SHANK2: variants seen among roughly 807,000 people sequenced by gnomAD.
SHANK2 encodes the protein SH3 and multiple ankyrin repeat domains 2.
SHANK2 carries 43 observed loss-of-function variants against 133.7 expected under a neutral mutation model. That is an observed-to-expected ratio of 0.32 (90% confidence interval 0.25 to 0.41). The LOEUF (loss-of-function observed/expected upper bound fraction) is 0.41, where lower values mean the gene tolerates loss of function less well. Ranked by LOEUF, SHANK2 falls within the 10% of genes least tolerant of loss-of-function variation. The pLI, the probability that SHANK2 is intolerant of heterozygous loss-of-function variation, is 1.00. For missense variants in SHANK2, 1,994 were observed against 2,235.8 expected, an observed-to-expected ratio of 0.89 and a Z score of 2.18; for synonymous variants, 1,017 against 952.8, an observed-to-expected ratio of 1.07 and a Z score of -1.24.
intron 2 of SHANK2, among the ~76,000 whole-genome samples, chr11:71,195,596 T>C (rs1246397657): frequency 6.6e-6 from 1 of 151,500 alleles, no homozygotes; most frequent in African/African-American, 2.4e-5. Context: ...CGAAACAGAG[T>C]TTTTTCATAG....
chr11:70,833,966 C>G (rs1265642221), intron 11 of SHANK2, among the ~76,000 whole-genome samples: 1 of 152,208 alleles, frequency 6.6e-6, no homozygotes, highest in Non-Finnish European at 1.5e-5. Context: ...GAAGGAGCTC[C>G]AAGTTGATGA....
At chr11:70,653,464 A>G (rs1360735463) in intron 17 of SHANK2, among the ~76,000 whole-genome samples, 1 of 150,200 alleles carries the variant, frequency 6.7e-6, no homozygotes, top group African/African-American at 2.5e-5. Context: ...TTTTTTCAAG[A>G]CAGAGTCTTG....
rs1207194024 is a variant in SHANK2, at chr11:70,945,778, CCT to C, written c.1108-49213_1108-49212del. Among the ~76,000 whole-genome samples the C allele has an allele frequency of 8.5e-5, 13 of 152,158 alleles. 1 individual carries two copies. In the South Asian group the frequency reaches 2.3e-3, roughly 27 times the overall value. On this transcript the variant is annotated intron_variant, in intron 10 of 25. Coordinates refer to ENST00000601538, the MANE Select transcript of SHANK2 (RefSeq NM_012309.5). ...TGCAGGTGCCTGGGGATGCAGCACC[CCT>C]GAGTGGGAGGTTATGGGGGAAGAGC...
intron 15 of SHANK2, among the ~76,000 whole-genome samples, chr11:70,680,411 G>A (rs1397884629): frequency 6.6e-6 from 1 of 152,142 alleles, no homozygotes; most frequent in Non-Finnish European, 1.5e-5. Context: ...GGGGCTGCTT[G>A]TGTTCTCTGG....
At chr11:70,750,416 C>T (rs1946729893) in intron 14 of SHANK2, among the ~76,000 whole-genome samples, 1 of 152,210 alleles carries the variant, frequency 6.6e-6, no homozygotes, top group Non-Finnish European at 1.5e-5. Context: ...TCTTTCTGGC[C>T]AGAGGAGCTG....
rs189184325 is a variant in SHANK2 at position 70,690,962 on chromosome 11, A to G, written c.1853+7726T>C. Among the ~76,000 whole-genome samples, 598 of 152,310 alleles carry G rather than the reference A, an allele frequency of 3.9e-3. 2 individuals are homozygous for G. The highest frequency in any genetic ancestry group is 0.014 in the African/African-American group (583 of 41,572). On this transcript the variant is annotated intron_variant, in intron 15 of 25. Transcript: ENST00000601538. ...TACCCACCAGAAGAATGAAGCAGAC[A>G]TAATTTAAAAACTTTTTTTTCTGCC...
At chr11:70,649,110 C>T (rs576992644) in intron 17 of SHANK2, among the ~76,000 whole-genome samples, 3 of 152,284 alleles carry the variant, frequency 2.0e-5, no homozygotes, top group South Asian at 4.1e-4. Flanking sequence ...GCCTGGCACA[C>T]GTGCCATCTC....
intron 11 of SHANK2, among the ~76,000 whole-genome samples, chr11:70,835,041 A>G (rs1274679620): frequency 1.3e-5 from 2 of 152,124 alleles, no homozygotes; most frequent in African/African-American, 4.8e-5. Flanking sequence ...TCTGACCACA[A>G]AGAGAGGTGA....
chr11:70,854,033 C>T (rs1035079324), intron 11 of SHANK2, among the ~76,000 whole-genome samples: 1 of 152,168 alleles, frequency 6.6e-6, no homozygotes, highest in Non-Finnish European at 1.5e-5. Context: ...TCAAGTTGGA[C>T]ATGAAATTGA....
chr11:71,200,904 C>A (rs1466629632), intron 2 of SHANK2, among the ~76,000 whole-genome samples: 4 of 151,356 alleles, frequency 2.6e-5, no homozygotes, highest in Non-Finnish European at 5.9e-5. Flanking sequence ...ATGGGGAAAA[C>A]CCTATGTGTA....
At chr11:70,889,783 G>A (rs116695823) in intron 11 of SHANK2, among the ~76,000 whole-genome samples, 1 of 152,302 alleles carries the variant, frequency 6.6e-6, no homozygotes, top group African/African-American at 2.4e-5. Context: ...TCAGGACCAG[G>A]ACCAGGACCA....
At chr11:70,800,694 C>T (rs1043618322) in intron 13 of SHANK2, among the ~76,000 whole-genome samples, 2 of 152,222 alleles carry the variant, frequency 1.3e-5, no homozygotes, top group African/African-American at 4.8e-5. Context: ...AGCATCTCCT[C>T]CAAAACTCGA....
intron 14 of SHANK2, among the ~76,000 whole-genome samples, chr11:70,704,592 G>A (rs1408113596): frequency 2.0e-5 from 3 of 152,030 alleles, no homozygotes; most frequent in Non-Finnish European, 4.4e-5. Flanking sequence ...TAGTCTGACT[G>A]CTGAGAAAGG....
At chr11:70,922,625 T>A (rs1950367365) in intron 10 of SHANK2, among the ~76,000 whole-genome samples, 1 of 152,134 alleles carries the variant, frequency 6.6e-6, no homozygotes, top group Non-Finnish European at 1.5e-5. Context: ...AATATCCTAT[T>A]AATAAGGCTA....
In SHANK2 at chr11:70,636,294, T is replaced by G. The variant is rs190949396; in HGVS notation, c.2061+23534A>C. Among the ~76,000 whole-genome samples the G allele has an allele frequency of 1.9e-3, 286 of 151,998 alleles. 3 individuals are homozygous for G. The highest frequency in any genetic ancestry group is 6.5e-3 in the African/African-American group (269 of 41,538). On this transcript the variant is annotated intron_variant, in intron 17 of 25. Coordinates refer to ENST00000601538, the MANE Select transcript of SHANK2 (RefSeq NM_012309.5). The stretch of plus-strand genomic sequence containing the variant: ...GCATGTGTGTGTACATGTATGAGTA[T>G]GTGTGTGAGCAGATGTGTGAGCGTG...
chr11:70,788,514 G>C (rs1052391283), intron 14 of SHANK2, among the ~76,000 whole-genome samples: 4 of 152,136 alleles, frequency 2.6e-5, no homozygotes, highest in Non-Finnish European at 5.9e-5. Context: ...CCACCCACTG[G>C]TTAGTCACTT....
At chr11:71,223,231 A>C (rs531350697) in intron 2 of SHANK2, among the ~76,000 whole-genome samples, 1 of 152,336 alleles carries the variant, frequency 6.6e-6, no homozygotes, top group African/African-American at 2.4e-5. Flanking sequence ...GTAGTCCTGC[A>C]TGGGGCCGTG....
At chr11:71,200,292 G>A (rs1318115529) in intron 2 of SHANK2, among the ~76,000 whole-genome samples, 3 of 152,166 alleles carry the variant, frequency 2.0e-5, no homozygotes, top group African/African-American at 7.2e-5. Context: ...GTCCTCATCC[G>A]TAATCCATTC....
rs868934793 is a variant in SHANK2 at position 71,251,512 on chromosome 11, C to G, written c.-113+913G>C. On this transcript the variant is annotated intron_variant, in intron 1 of 25. Transcript: ENST00000601538. ...CCTGGCGCCCGGGGCCGGGGCCACC[C>G]GGTGGAGGCGCCTGGGCCGCGGGCT... is the stretch of plus-strand genomic sequence containing the variant. 5.6e-3 allele frequency among the ~76,000 whole-genome samples: 851 copies of G among 151,440 alleles called. 5 individuals carry two copies. Among genetic ancestry groups the G allele is most frequent in the African/African-American group, 0.02 (823 of 41,390 alleles).
Sources: allele counts gnomAD v4.1 joint callset (sites outside exome capture counted in the v4.1 genomes callset), GRCh38; gene constraint gnomAD v4.1.1; transcripts MANE v1.5; gene names NCBI Gene and HGNC (gene_info 2026-07-23, HGNC 2026-07-21).